The following VRK2 variants were observed in gnomAD, a reference collection of about 807,000 sequenced individuals.
The protein encoded by VRK2 is serine/threonine-protein kinase VRK2.
In VRK2, 60 loss-of-function variants were observed where a neutral mutation model predicts 57.6. The ratio of observed to expected loss-of-function variants is 1.04; its 90% CI spans 0.85 to 1.29. VRK2 has a LOEUF of 1.29. Among genes scored for constraint, VRK2 ranks in the 50% most tolerant of loss-of-function variants. The pLI is 0.00. For synonymous variants in VRK2, 231 were observed against 199.2 expected (o/e 1.16, Z -1.35); for missense variants, 705 against 588.1 (o/e 1.20, Z -2.06).
At chr2:58,138,859 A>G (rs1558689459) in intron 10 of VRK2, among the ~76,000 whole-genome samples, 1 of 152,172 alleles carries the variant, frequency 6.6e-6, no homozygotes, top group Non-Finnish European at 1.5e-5. Flanking sequence ...TTCTATTCCA[A>G]TTTTAGGTTG....
intron 11 of VRK2, among the ~76,000 whole-genome samples, chr2:58,142,060 TTTGGACAAAGATATTTTAAAAGAAGACA>T (rs1558693809): frequency 2.6e-5 from 4 of 152,028 alleles, no homozygotes; most frequent in South Asian, 4.1e-4. Context: ...TAATACATTT[TTTGGACAAAGATATTTTAAAAGAAGACA>T]TTGGACCAGA....
At chr2:58,156,579 GTTT>G (rs748318359) in intron 12 of VRK2, among the ~76,000 whole-genome samples, 3 of 139,126 alleles carry the variant, frequency 2.2e-5, no homozygotes, top group East Asian at 3.9e-4. Flanking sequence ...GGGTGGTGGT[GTTT>G]TTTTTGTTTT....
chr2:58,049,796 G>C (rs1675435742), intron 2 of VRK2, among the ~76,000 whole-genome samples: 1 of 152,102 alleles, frequency 6.6e-6, no homozygotes, highest in East Asian at 1.9e-4. Flanking sequence ...AGGGAATCTT[G>C]GGTTCTCATC....
chr2:58,088,817 G>A (rs1671987067), intron 6 of VRK2, among the ~76,000 whole-genome samples: 1 of 152,178 alleles, frequency 6.6e-6, no homozygotes, highest in South Asian at 2.1e-4. Flanking sequence ...TGATGGTAGG[G>A]GGGTGCTATG....
In VRK2 at chr2:58,048,896, A is replaced by G; in HGVS notation, c.65A>G (p.Asp22Gly). The change falls in exon 2 of 13, where the codon GAT (aspartate) becomes GGT (glycine). Residue 22 changes from aspartate (D) to glycine (G), a missense_variant. Asp to Gly is a moderately conservative substitution (Grantham distance 94). Transcript: ENST00000340157. ...PIPFPEGKVL[D>G]DMEGNQWVLG... is the part of the protein sequence containing the mutation. ...CCATTTCCAGAAGGCAAGGTTCTGG[A>G]TGATATGGAAGGCAATCAGTGGGTA... is the stretch of plus-strand genomic sequence containing the variant. 1.2e-6 allele frequency: 2 copies of G among 1,614,048 alleles called. No individual in the cohort carries two copies. Among genetic ancestry groups the G allele is most frequent in the Non-Finnish European group, 1.7e-6 (2 of 1,179,970 alleles).
In VRK2 at chr2:58,131,914, G is replaced by C; in HGVS notation, c.783G>C (p.Gln261His). 6.2e-7 allele frequency: 1 copy of C among 1,614,110 alleles called. No homozygotes were observed. The change falls in exon 9 of 13, where the codon CAG (glutamine) becomes CAC (histidine). Residue 261 changes from glutamine to histidine, a missense_variant. Transcript: ENST00000340157. ...ACCTGAAGGACCCTGTGGCTGTGCA[G>C]ACTGCTAAAACAAAGTACAAATTTT... is the stretch of plus-strand genomic sequence containing the variant. ...EQNLKDPVAV[Q>H]TAKTNLLDEL...
chr2:58,013,288 C>T (rs1673468036), intron 1 of VRK2, among the ~76,000 whole-genome samples: 1 of 152,168 alleles, frequency 6.6e-6, no homozygotes, highest in Admixed American at 6.5e-5. Flanking sequence ...ATTTATGTAA[C>T]TTCCATTCAA....
chr2:58,043,500 C>A (rs1006447760), upstream of VRK2, among the ~76,000 whole-genome samples: 3 of 152,120 alleles, frequency 2.0e-5, no homozygotes, highest in Non-Finnish European at 4.4e-5. Context: ...ATTATATATA[C>A]TCCTTTGTGT....
intron 1 of VRK2, among the ~76,000 whole-genome samples, chr2:57,986,321 T>G (rs553281030): frequency 6.6e-6 from 1 of 152,294 alleles, no homozygotes; most frequent in East Asian, 1.9e-4. Flanking sequence ...TGTCAGCTTC[T>G]TCAAACTGAT....
chr2:58,042,072 G>T (rs973853345), upstream of VRK2, among the ~76,000 whole-genome samples: 2 of 152,062 alleles, frequency 1.3e-5, no homozygotes, highest in African/African-American at 4.8e-5. Context: ...GCTGTATCCC[G>T]GGCATGTCCT....
intron 3 of VRK2, among the ~76,000 whole-genome samples, chr2:58,034,776 TAAAAAAC>T (rs1558551586): frequency 1.3e-5 from 2 of 150,384 alleles, no homozygotes; most frequent in Non-Finnish European, 3.0e-5. Flanking sequence ...AGGTTTTTTT[TAAAAAAC>T]AAAAAACAAA....
chr2:58,069,857 G>T (rs1050862444), intron 2 of VRK2, among the ~76,000 whole-genome samples: 1 of 152,156 alleles, frequency 6.6e-6, no homozygotes, highest in Admixed American at 6.5e-5. Flanking sequence ...CAACTTTCAA[G>T]GTTTGGGCTT....
At chr2:58,058,549 A>T (rs1676868824) in intron 2 of VRK2, 5 of 366,986 alleles carry the variant, frequency 1.4e-5, no homozygotes, top group Non-Finnish European at 2.2e-5. Context: ...CTCACTGATG[A>T]GGCCATGAAC....
chr2:57,936,989 C>T (rs114175979), intron 1 of VRK2, among the ~76,000 whole-genome samples: 341 of 152,298 alleles, frequency 2.2e-3, no homozygotes, highest in Middle Eastern at 3.4e-3. Flanking sequence ...TGCTCTTTCC[C>T]CAGCAGGATT....
At chr2:57,953,989 T>G (rs1193067077) in intron 1 of VRK2, among the ~76,000 whole-genome samples, 1 of 152,154 alleles carries the variant, frequency 6.6e-6, no homozygotes, top group Non-Finnish European at 1.5e-5. Context: ...CCATGTTATA[T>G]TCTCCTATGC....
intron 1 of VRK2, among the ~76,000 whole-genome samples, chr2:57,949,078 A>AGGGGGGAGGG (rs1671346718): frequency 7.1e-6 from 1 of 141,276 alleles, no homozygotes; most frequent in Admixed American, 7.1e-5. Flanking sequence ...GGTGGGGGAC[A>AGGGGGGAGGG]GGGGGCGGGA....
intron 7 of VRK2, among the ~76,000 whole-genome samples, chr2:58,099,237 G>T (rs1673607132): frequency 6.6e-6 from 1 of 151,932 alleles, no homozygotes; most frequent in Non-Finnish European, 1.5e-5. Context: ...ATCTGGAAAG[G>T]CACCTCTTTG....
At chr2:57,961,479 G>A (rs1384787320) in intron 1 of VRK2, among the ~76,000 whole-genome samples, 1 of 152,180 alleles carries the variant, frequency 6.6e-6, no homozygotes, top group Non-Finnish European at 1.5e-5. Context: ...GCATTGACAA[G>A]TCACACAGCT....
At chr2:58,076,898 T>A (rs1369820612) in intron 2 of VRK2, among the ~76,000 whole-genome samples, 1 of 151,836 alleles carries the variant, frequency 6.6e-6, no homozygotes, top group East Asian at 1.9e-4. Context: ...AAAGAATGTT[T>A]CCATATTCTC....
Sources: allele counts gnomAD v4.1 joint callset (sites outside exome capture counted in the v4.1 genomes callset), GRCh38; gene constraint gnomAD v4.1.1; transcripts MANE v1.5; gene names NCBI Gene and HGNC (gene_info 2026-07-23, HGNC 2026-07-21).